Variants in TOM1 observed in about 807,000 individuals in gnomAD.
The protein encoded by TOM1 is target of myb1 membrane trafficking protein.
Under a neutral mutation model 61.3 loss-of-function variants are expected in TOM1, and 38 were observed. That is an observed-to-expected ratio of 0.62 (90% CI 0.48 to 0.81). The LOEUF (loss-of-function observed/expected upper bound fraction) is 0.81, where lower values mean the gene tolerates loss of function less well. Ranked by LOEUF, TOM1 falls within the 40% of genes least tolerant of loss-of-function variation. The pLI is 0.00. For missense variants in TOM1, 591 were observed against 659.6 expected, an observed-to-expected ratio of 0.90 and a Z score of 1.14; for synonymous variants, 270 against 268.8, an observed-to-expected ratio of 1.00 and a Z score of -0.04.
At chr22:35,300,205 TAAG>T (rs1483650227) in intron 1 of TOM1, among the ~76,000 whole-genome samples, 7 of 152,158 alleles carry the variant, frequency 4.6e-5, no homozygotes, top group Non-Finnish European at 1.0e-4. Flanking sequence ...AGCCAGTAGG[TAAG>T]GAGAGAGGGT....
At chr22:35,324,500 C>T in intron 6 of TOM1, among the ~76,000 whole-genome samples, 1 of 142,910 alleles carries the variant, frequency 7.0e-6, no homozygotes, top group Non-Finnish European at 1.5e-5. Flanking sequence ...AAATAAAAAA[C>T]ATATGTACAT....
intron 7 of TOM1, 44 bp downstream of exon 7, chr22:35,327,431 C>T (rs781656945): frequency 1.3e-5 from 17 of 1,355,830 alleles, no homozygotes; most frequent in Non-Finnish European, 1.7e-5. Context: ...TGACTCCTGC[C>T]CAGCTGCCCA....
chr22:35,346,091 C>T (rs546753705), intron 13 of TOM1, among the ~76,000 whole-genome samples: 3 of 152,344 alleles, frequency 2.0e-5, no homozygotes, highest in South Asian at 2.1e-4. Context: ...AGCATAACAG[C>T]GCCAGGCTCT....
chr22:35,318,517 C>T (rs1927503910), intron 2 of TOM1, among the ~76,000 whole-genome samples: 1 of 152,236 alleles, frequency 6.6e-6, no homozygotes, highest in Non-Finnish European at 1.5e-5. Context: ...TGCTCAGTGC[C>T]AAGGAGCCCT....
At chr22:35,305,762 T>G (rs1926276072) in intron 1 of TOM1, among the ~76,000 whole-genome samples, 1 of 152,096 alleles carries the variant, frequency 6.6e-6, no homozygotes, top group South Asian at 2.1e-4. Flanking sequence ...CAGTTCGGTT[T>G]CAGTATAAAT....
Position 35,317,979 on chromosome 22 carries a change from A to G in TOM1, c.137+18A>G. On this transcript the variant is annotated intron_variant, in intron 2 of 14. Coordinates refer to ENST00000449058, the MANE Select transcript of TOM1 (RefSeq NM_005488.3). ...GAGGAAGGGTAAGGGCCCCCCAAGG[A>G]GAGGTTGGGGGCAGAGACGGCCATC... 6.2e-7 allele frequency: 1 copy of G among 1,604,762 alleles called. No individual in the cohort carries two copies. The highest frequency in any genetic ancestry group is 1.1e-5 in the South Asian group (1 of 90,868).
intron 11 of TOM1, among the ~76,000 whole-genome samples, chr22:35,335,422 T>C (rs1308161523): frequency 6.6e-6 from 1 of 152,186 alleles, no homozygotes; most frequent in Non-Finnish European, 1.5e-5. Flanking sequence ...TATCTTTCTT[T>C]AGTCTGGGCA....
chr22:35,310,389 C>A (rs1926716694), intron 1 of TOM1, among the ~76,000 whole-genome samples: 1 of 152,156 alleles, frequency 6.6e-6, no homozygotes, highest in Non-Finnish European at 1.5e-5. Context: ...CCTGTCTCTA[C>A]TAAAAATACA....
chr22:35,309,479 A>T (rs1289680325), intron 1 of TOM1, among the ~76,000 whole-genome samples: 4 of 152,126 alleles, frequency 2.6e-5, no homozygotes, highest in African/African-American at 9.7e-5. Context: ...CCCCATCTTT[A>T]CTAAAAATAC....
At chr22:35,335,439 GTACT>G (rs1166465137) in intron 11 of TOM1, among the ~76,000 whole-genome samples, 1 of 152,192 alleles carries the variant, frequency 6.6e-6, no homozygotes, top group Non-Finnish European at 1.5e-5. Context: ...GGCAGAGTCT[GTACT>G]TTTAAGCCCA....
In TOM1 at chr22:35,316,829, T is replaced by C. The variant is rs567545752; in HGVS notation, c.53-1048T>C. Among the ~76,000 whole-genome samples, 119 of 152,332 alleles carry C rather than the reference T, an allele frequency of 7.8e-4. 1 individual carries two copies. Among genetic ancestry groups the C allele is most frequent in the African/African-American group, 2.8e-3 (116 of 41,574 alleles). ...CACCACCACTTGCTGAGTGTTTATTTTGGGCCCGTACCGTGCTGATACCTT... is the reference window on the plus strand; with the variant it reads ...CACCACCACTTGCTGAGTGTTTATTCTGGGCCCGTACCGTGCTGATACCTT... On this transcript the variant is annotated intron_variant, in intron 1 of 14. Coordinates refer to ENST00000449058, the MANE Select transcript of TOM1 (RefSeq NM_005488.3).
At chr22:35,331,511 C>G (rs1430103187) in intron 8 of TOM1, 1 of 324,878 alleles carries the variant, frequency 3.1e-6, no homozygotes, top group Non-Finnish European at 6.1e-6. Flanking sequence ...GGAGAGGGCC[C>G]TTTGATGGCA....
intron 1 of TOM1, among the ~76,000 whole-genome samples, chr22:35,312,484 A>T (rs1482666713): frequency 7.9e-5 from 12 of 152,230 alleles, no homozygotes; most frequent in Non-Finnish European, 7.3e-5. Flanking sequence ...TGAGAAGCAC[A>T]TAGCATCGTG....
At position 35,333,073 on chromosome 22, in the gene TOM1, A is replaced by T. The variant is rs910271317; in HGVS notation, c.933+59A>T. ...CCTGTTCATGGGAAGAAGGAGTGCC[A>T]TTCTCACCTCCCTCCCCTAGTAAAC... On this transcript the variant is annotated intron_variant, in intron 9 of 14. Coordinates refer to ENST00000449058, the MANE Select transcript of TOM1 (RefSeq NM_005488.3). 3.2e-6 allele frequency: 5 copies of T among 1,553,184 alleles called. No homozygotes were observed. The African/African-American group carries it at 4.1e-5, about 13-fold the overall frequency.
At chr22:35,309,133 G>T (rs537653510) in intron 1 of TOM1, among the ~76,000 whole-genome samples, 1 of 152,310 alleles carries the variant, frequency 6.6e-6, no homozygotes, top group South Asian at 2.1e-4. Flanking sequence ...GTAGAGGATA[G>T]CATTTATTTT....
intron 8 of TOM1, 69 bp downstream of exon 8, chr22:35,330,549 C>A: frequency 6.9e-7 from 1 of 1,458,514 alleles, no homozygotes; most frequent in Non-Finnish European, 9.2e-7. Context: ...CCTCCCTGTT[C>A]TCCTGGTCTC....
At chr22:35,312,359 T>C (rs549967353) in intron 1 of TOM1, among the ~76,000 whole-genome samples, 56 of 152,272 alleles carry the variant, frequency 3.7e-4, no homozygotes, top group Non-Finnish European at 7.2e-4. Context: ...GGAAACGACC[T>C]TTTGGAATTG....
intron 12 of TOM1, among the ~76,000 whole-genome samples, chr22:35,340,620 A>G (rs996309485): frequency 9.2e-5 from 14 of 151,980 alleles, no homozygotes; most frequent in African/African-American, 3.1e-4. Context: ...GGTGGCGCAC[A>G]CCTTTAGTCC....
At chr22:35,336,864 C>T (rs112187961) in intron 11 of TOM1, 3,008 of 152,362 alleles carry the variant, frequency 0.02, 55 homozygotes, top group Middle Eastern at 0.048. Context: ...ACAGGCATGG[C>T]CTTCAGGGAC....
Sources: allele counts gnomAD v4.1 joint callset (sites outside exome capture counted in the v4.1 genomes callset), GRCh38; gene constraint gnomAD v4.1.1; transcripts MANE v1.5; gene names NCBI Gene and HGNC (gene_info 2026-07-23, HGNC 2026-07-21).